The following RRM1 variants were observed in gnomAD, a reference collection of about 807,000 sequenced individuals.
RRM1 encodes the protein ribonucleotide reductase catalytic subunit M1.
RRM1 carries 19 observed loss-of-function variants against 101.5 expected under a neutral mutation model. The ratio of observed to expected loss-of-function variants is 0.19; its 90% CI spans 0.13 to 0.27. The LOEUF is 0.27. Among genes scored for constraint, RRM1 ranks in the 10% least tolerant of loss-of-function variants. RRM1 has a pLI of 1.00. For synonymous variants in RRM1, 298 were observed against 323.4 expected (o/e 0.92, Z 0.84); for missense variants, 500 against 962.9 (o/e 0.52, Z 6.36).
rs779881232 is a variant in RRM1, at chr11:4,138,425, C to G, written c.*42C>G. ...GACCAGCATGTCTTCAGTAGCCAAACTACTTCTTGAGCATAGATAGGTATA... is the reference window on the plus strand; with the variant it reads ...GACCAGCATGTCTTCAGTAGCCAAAGTACTTCTTGAGCATAGATAGGTATA... On this transcript the variant is annotated 3_prime_UTR_variant, in exon 19 of 19. Transcript: ENST00000300738. 6.6e-7 allele frequency: 1 copy of G among 1,507,248 alleles called. No individual in the cohort carries two copies. Among genetic ancestry groups the G allele is most frequent in the African/African-American group, 1.4e-5 (1 of 72,066 alleles). 93.4% of individuals were successfully genotyped at this position (1,507,248 alleles called of 1,614,324 possible).
At chr11:4,117,769 T>C (rs1267878584) in intron 7 of RRM1, among the ~76,000 whole-genome samples, 1 of 152,212 alleles carries the variant, frequency 6.6e-6, no homozygotes, top group Non-Finnish European at 1.5e-5. Flanking sequence ...CATGATTGAA[T>C]ATTCAAGGCA....
At chr11:4,105,187 C>T (rs2094556633) in intron 2 of RRM1, among the ~76,000 whole-genome samples, 1 of 152,160 alleles carries the variant, frequency 6.6e-6, no homozygotes, top group South Asian at 2.1e-4. Context: ...AAGTTTCCCA[C>T]TGCCCACCAT....
Position 4,132,832 on chromosome 11 carries a change from CTTT to C in RRM1, c.1905+412_1905+414del, listed in dbSNP as rs1225937449. On this transcript the variant is annotated intron_variant, in intron 16 of 18. Coordinates refer to ENST00000300738, the MANE Select transcript of RRM1 (RefSeq NM_001033.5). The surrounding 1 kb of genome is among the most constrained non-coding windows in gnomAD (Gnocchi z 4.1). The stretch of plus-strand genomic sequence containing the variant: ...TGGTGGGTGAGACCAGTGGTTTTTT[CTTT>C]GTTTTTAAGGTTCCCAGGTAATTCT... 1.3e-5 allele frequency among the ~76,000 whole-genome samples: 2 copies of C among 151,864 alleles called. No individual in the cohort carries two copies. The highest frequency in any genetic ancestry group is 1.9e-4 in the East Asian group (1 of 5,164).
At chr11:4,103,946 CAA>C (rs34264302) in intron 2 of RRM1, among the ~76,000 whole-genome samples, 72,771 of 94,902 alleles carry the variant, frequency 0.77, 27,365 homozygotes, top group Non-Finnish European at 0.83. Flanking sequence ...CCTGTTTCTA[CAA>C]AAAAAAAAAA....
intron 10 of RRM1, 84 bp downstream of exon 10, chr11:4,121,849 A>G: frequency 7.5e-7 from 1 of 1,330,068 alleles, no homozygotes; most frequent in Non-Finnish European, 1.0e-6. Flanking sequence ...ATGCTTAGGA[A>G]GAGCCCATAT....
intron 1 of RRM1, chr11:4,099,311 T>TTTTTTTTTTTC (rs1287900208): frequency 7.1e-6 from 1 of 141,354 alleles, no homozygotes; most frequent in Non-Finnish European, 1.5e-5. Flanking sequence ...TTTTTTTTTT[T>TTTTTTTTTTTC]TTTGTATTTT....
rs762432762 is a variant in RRM1 at position 4,138,665 on chromosome 11, A to T, written c.*282A>T. The T allele has an allele frequency of 3.8e-6, 1 of 265,526 alleles. No homozygotes were observed. Among genetic ancestry groups the T allele is most frequent in the Non-Finnish European group, 7.1e-6 (1 of 140,936 alleles). The allele number at this position is 265,526 out of a possible 1,614,324, so 16.4% of individuals were successfully genotyped here. ...AGGAATGCAAAATAAGTCATCTTGCATACAGGGAGTGGTTAAGTAAGGTTT... is the reference window on the plus strand; with the variant it reads ...AGGAATGCAAAATAAGTCATCTTGCTTACAGGGAGTGGTTAAGTAAGGTTT... On this transcript the variant is annotated 3_prime_UTR_variant, in exon 19 of 19. Transcript: ENST00000300738.
At position 4,109,692 on chromosome 11, in the gene RRM1, T is replaced by A. The variant is rs1375360763; in HGVS notation, c.436T>A (p.Phe146Ile). ...IYDRDFSYNY[F>I]GFKTLERSYL... ...TGACCGAGATTTCTCTTACAATTACTTCGGCTTTAAGGTAAATAATGGGTT... is the reference window on the plus strand; with the variant it reads ...TGACCGAGATTTCTCTTACAATTACATCGGCTTTAAGGTAAATAATGGGTT... The change falls in exon 5 of 19, where the codon TTC becomes ATC. Residue 146 changes from phenylalanine to isoleucine, a missense_variant. Physicochemically the swap from Phe to Ile is conservative, Grantham distance 21. This residue lies in a region of RRM1 where 111 missense variants were observed against 219.8 expected (regional missense o/e 0.51). Coordinates refer to ENST00000300738, the MANE Select transcript of RRM1 (RefSeq NM_001033.5). 1 of 1,606,582 alleles carries A rather than the reference T, an allele frequency of 6.2e-7. No homozygotes were observed.
intron 17 of RRM1, 31 bp from the exon 18 acceptor site, chr11:4,135,051 G>T (rs2094606824): frequency 1.3e-6 from 2 of 1,520,562 alleles, no homozygotes; most frequent in Non-Finnish European, 9.0e-7. Context: ...TTTAACTGGA[G>T]TAAAGTAAAC....
At chr11:4,125,015 A>G (rs1162035001) in intron 12 of RRM1, among the ~76,000 whole-genome samples, 2 of 151,412 alleles carry the variant, frequency 1.3e-5, no homozygotes, top group African/African-American at 2.4e-5. Flanking sequence ...CCTGGATTCA[A>G]GCGATTCTCC....
intron 2 of RRM1, among the ~76,000 whole-genome samples, chr11:4,102,295 T>C (rs1488801362): frequency 1.3e-5 from 2 of 152,150 alleles, no homozygotes; most frequent in African/African-American, 4.8e-5. Context: ...TGAATGTGAG[T>C]AAAGAGGAAA....
rs759794738 is a variant in RRM1, at chr11:4,135,252, C to T, written c.2172C>T (p.His724=). The T allele has an allele frequency of 1.6e-5, 25 of 1,607,066 alleles. No individual in the cohort carries two copies. The highest frequency in any genetic ancestry group is 2.1e-5 in the Non-Finnish European group (25 of 1,176,034). The change falls in exon 18 of 19, where the codon CAC becomes CAT. Residue 724 remains histidine, a synonymous_variant. Transcript: ENST00000300738. ...EPNYGKLTSM[H]FYGWKQGLKT... Reference sequence around the variant, plus strand: ...ACTATGGCAAACTCACTAGTATGCACTTCTACGGCTGGAAGCAGGTTGGTA... The same window carrying T: ...ACTATGGCAAACTCACTAGTATGCATTTCTACGGCTGGAAGCAGGTTGGTA...
chr11:4,104,110 C>T (rs1448662811), intron 2 of RRM1, among the ~76,000 whole-genome samples: 1 of 151,702 alleles, frequency 6.6e-6, no homozygotes. Context: ...GACCCTGTCT[C>T]AAAAAGAAAA....
intron 12 of RRM1, among the ~76,000 whole-genome samples, chr11:4,125,000 C>T (rs899656487): frequency 1.8e-4 from 28 of 151,472 alleles, no homozygotes; most frequent in African/African-American, 5.8e-4. Context: ...CTGCAACCTC[C>T]GCCTCCTGGA....
intron 9 of RRM1, among the ~76,000 whole-genome samples, chr11:4,121,286 G>T (rs1158086311): frequency 6.6e-6 from 1 of 152,168 alleles, no homozygotes; most frequent in African/African-American, 2.4e-5. Flanking sequence ...TGGGCTTTAT[G>T]TACATGTCAT....
chr11:4,103,397 T>C (rs767774266), intron 2 of RRM1, among the ~76,000 whole-genome samples: 9 of 152,216 alleles, frequency 5.9e-5, no homozygotes, highest in Non-Finnish European at 1.0e-4. Context: ...GGTTTATAGA[T>C]AAGAAAGTTC....
chr11:4,135,885 G>C (rs1170984480), intron 18 of RRM1, among the ~76,000 whole-genome samples: 1 of 150,080 alleles, frequency 6.7e-6, no homozygotes, highest in East Asian at 1.9e-4. Flanking sequence ...CATCTAGTAT[G>C]TGCCAGGACT....
chr11:4,130,256 T>G (rs2094597724), intron 15 of RRM1, among the ~76,000 whole-genome samples: 1 of 151,650 alleles, frequency 6.6e-6, no homozygotes, highest in Non-Finnish European at 1.5e-5. Flanking sequence ...TGCCAACCAT[T>G]TGTCTCAGAA....
chr11:4,133,471 T>A (rs1441285952), intron 16 of RRM1, 92 bp from the exon 17 acceptor site: 10 of 710,372 alleles, frequency 1.4e-5, no homozygotes, highest in Non-Finnish European at 2.1e-5. Flanking sequence ...AAATAACTCT[T>A]AAGTGATTTT....
Sources: gnomAD v4.1 joint callset for allele counts (sites outside exome capture counted in the v4.1 genomes callset) on GRCh38, gnomAD v4.1.1 for gene constraint, gnomAD v4.1.1 regional missense constraint, Gnocchi (gnomAD v3.1) non-coding constraint, MANE v1.5 for transcripts, NCBI Gene and HGNC (gene_info 2026-07-23, HGNC 2026-07-21) for gene names.